CTSB: variants seen among roughly 807,000 people sequenced by gnomAD.
CTSB encodes cathepsin B.
CTSB carries 57 observed loss-of-function variants against 44.3 expected under a neutral mutation model. The observed-to-expected ratio is 1.29, with a 90% CI of 1.04 to 1.60. The LOEUF is 1.60. Among genes scored for constraint, CTSB ranks in the 40% most tolerant of loss-of-function variants. The probability of loss-of-function intolerance (pLI) is 0.00; values close to 1 mark genes in which losing one functional copy is unlikely to be tolerated. For synonymous variants in CTSB, 320 were observed against 168.0 expected (o/e 1.91, Z -7.00); for missense variants, 768 against 443.0 (o/e 1.73, Z -6.59).
chr8:11,843,788 T>G lies in CTSB; in HGVS notation c.*1337A>C, dbSNP rs1483296139. 6.6e-6 allele frequency: 1 copy of G among 152,232 alleles called. No homozygotes were observed. Among genetic ancestry groups the G allele is most frequent in the Non-Finnish European group, 1.5e-5 (1 of 68,056 alleles). The allele number at this position is 152,232 out of a possible 1,614,324, so 9.4% of individuals were successfully genotyped here. A position where few individuals can be genotyped will look rare whatever the true frequency, so the allele number is the denominator to read the frequency against. On this transcript the variant is annotated 3_prime_UTR_variant, in exon 10 of 10. Coordinates refer to ENST00000353047, the MANE Select transcript of CTSB (RefSeq NM_001908.5). The stretch of plus-strand genomic sequence containing the variant: ...GCTCACGCCTGTAATCCCAACACTT[T>G]GGGAGGCTGAGGCAGGCAGACCACC...
intron 5 of CTSB, chr8:11,848,364 C>A (rs139893107): frequency 1.5e-6 from 1 of 671,700 alleles, no homozygotes; most frequent in Non-Finnish European, 2.7e-6. Flanking sequence ...CACCCCTGCC[C>A]ACAAAGATCC....
chr8:11,852,822 G>C (rs369870444), intron 2 of CTSB, 127 bp from the exon 3 acceptor site: 3 of 774,210 alleles, frequency 3.9e-6, no homozygotes, highest in East Asian at 5.3e-5. Context: ...CCAAGGGTTG[G>C]GGGGCACTGG....
intron 1 of CTSB, among the ~76,000 whole-genome samples, chr8:11,863,728 G>C (rs955593066): frequency 6.6e-6 from 1 of 152,044 alleles, no homozygotes; most frequent in South Asian, 2.1e-4. Flanking sequence ...AATTAAAACA[G>C]GGGTACCACT....
intron 1 of CTSB, among the ~76,000 whole-genome samples, chr8:11,857,125 G>C (rs1164032189): frequency 1.3e-5 from 2 of 152,174 alleles, no homozygotes; most frequent in Admixed American, 1.3e-4. Context: ...CCAGGTTCAA[G>C]TGATTCTTGT....
chr8:11,847,630 C>T (rs2294138), intron 7 of CTSB, 49 bp downstream of exon 7: 532,042 of 1,492,460 alleles, frequency 0.36, 96,257 homozygotes, highest in East Asian at 0.47. Context: ...AGGGATGCAG[C>T]AGCTCCCCAG....
Position 11,852,636 on chromosome 8 carries a change from G to A in CTSB, c.186C>T (p.Phe62=), listed in dbSNP as rs747076291. The change falls in exon 3 of 10, where the codon TTC becomes TTT. Residue 62 remains phenylalanine, a synonymous_variant. Transcript: ENST00000353047. The part of the protein sequence containing the change: ...MSYLKRLCGT[F]LGGPKPPQRV... ...TCTGGGGTGGCTTGGGCCCACCCAG[G>A]AAGGTACCACATAGCCTCTTCAAGT... 6.2e-7 allele frequency: 1 copy of A among 1,613,970 alleles called. No homozygotes were observed.
intron 8 of CTSB, among the ~76,000 whole-genome samples, chr8:11,846,658 A>C (rs1364197939): frequency 6.6e-6 from 1 of 152,238 alleles, no homozygotes; most frequent in African/African-American, 2.4e-5. Flanking sequence ...CAGCCAGTGC[A>C]AACACGAACG....
intron 1 of CTSB, among the ~76,000 whole-genome samples, chr8:11,866,976 C>T (rs966461975): frequency 6.6e-6 from 1 of 152,148 alleles, no homozygotes; most frequent in African/African-American, 2.4e-5. Context: ...AAAAAGGTGC[C>T]AGGTCTGCAT....
chr8:11,866,890 G>C (rs899132863), intron 1 of CTSB, among the ~76,000 whole-genome samples: 5 of 152,302 alleles, frequency 3.3e-5, no homozygotes, highest in Admixed American at 2.0e-4. Context: ...GTTCCTGAAC[G>C]TTTGGATTCA....
intron 1 of CTSB, chr8:11,857,718 C>T (rs548541933): frequency 6.6e-6 from 1 of 152,504 alleles, no homozygotes; most frequent in East Asian, 1.9e-4. Flanking sequence ...CCCTCCTTTT[C>T]ATGGTTCCCA....
At chr8:11,856,648 T>G (rs1277222535) in intron 1 of CTSB, among the ~76,000 whole-genome samples, 1 of 152,090 alleles carries the variant, frequency 6.6e-6, no homozygotes, top group African/African-American at 2.4e-5. Context: ...TTCTATTGTA[T>G]TAACAGAGTA....
intron 1 of CTSB, 71 bp from the exon 2 acceptor site, chr8:11,853,550 C>A: frequency 1.4e-6 from 2 of 1,456,760 alleles, no homozygotes; most frequent in Admixed American, 2.0e-5. Flanking sequence ...ACAGGGGCAC[C>A]GTCTCGGGCA....
rs902602510 is a variant in CTSB, at chr8:11,845,560, G to C, written c.922+101C>G. ...AGCTCACAGCCTGGCCGTAGGTCCA[G>C]GGTTTAAGGCTGTGCGGTGGGTAGA... is the stretch of plus-strand genomic sequence containing the variant. On this transcript the variant is annotated intron_variant, in intron 9 of 9. Coordinates refer to ENST00000353047, the MANE Select transcript of CTSB (RefSeq NM_001908.5). 31 of 1,420,658 alleles carry C rather than the reference G, an allele frequency of 2.2e-5. No individual in the cohort carries two copies. The African/African-American group carries it at 2.4e-4, about 11-fold the overall frequency. The allele number at this position is 1,420,658 out of a possible 1,614,324, so 88.0% of individuals were successfully genotyped here.
intron 6 of CTSB, 110 bp from the exon 7 acceptor site, chr8:11,847,932 G>C (rs990541472): frequency 1.3e-5 from 18 of 1,408,706 alleles, no homozygotes; most frequent in South Asian, 5.3e-5. Flanking sequence ...TCCTGCCAGA[G>C]GCCTGTGCAC....
At chr8:11,848,670 C>A in intron 5 of CTSB, 1 of 305,848 alleles carries the variant, frequency 3.3e-6, no homozygotes, top group South Asian at 3.2e-5. Flanking sequence ...TTCTGTGCCA[C>A]CACCTTGTTG....
intron 2 of CTSB, 76 bp from the exon 3 acceptor site, chr8:11,852,771 C>T: frequency 2.1e-6 from 3 of 1,403,332 alleles, no homozygotes; most frequent in Non-Finnish European, 3.0e-6. Context: ...CACACGAAGC[C>T]CAACCCAGGG....
chr8:11,865,850 TAC>T (rs1479741593), intron 1 of CTSB, among the ~76,000 whole-genome samples: 56 of 70,212 alleles, frequency 8.0e-4, no homozygotes, highest in African/African-American at 3.2e-3. Context: ...CTACTAAAAA[TAC>T]AAAAAAAAAA....
At chr8:11,850,166 A>T (rs1442595435) in intron 4 of CTSB, 4 of 152,158 alleles carry the variant, frequency 2.6e-5, no homozygotes, top group African/African-American at 4.8e-5. Flanking sequence ...CACGCCTGTA[A>T]TCCCAGCATT....
At chr8:11,860,658 G>A (rs1300657429) in intron 1 of CTSB, among the ~76,000 whole-genome samples, 1 of 151,998 alleles carries the variant, frequency 6.6e-6, no homozygotes, top group Non-Finnish European at 1.5e-5. Flanking sequence ...AAAAACAAAA[G>A]TCAAGTGCTT....
Sources: allele counts gnomAD v4.1 joint callset (sites outside exome capture counted in the v4.1 genomes callset), GRCh38; gene constraint gnomAD v4.1.1; transcripts MANE v1.5; gene names NCBI Gene and HGNC (gene_info 2026-07-23, HGNC 2026-07-21).